Variants in RHBDD1 observed in about 807,000 individuals in gnomAD.
RHBDD1 encodes rhomboid domain containing 1.
A neutral mutation model predicts 36.3 loss-of-function variants in RHBDD1; 38 were observed. That is an observed-to-expected ratio of 1.05 (90% CI 0.81 to 1.37). RHBDD1 has a LOEUF of 1.37. Among genes scored for constraint, RHBDD1 ranks in the 40% most tolerant of loss-of-function variants. The pLI is 0.00. For synonymous variants in RHBDD1, 151 were observed against 136.5 expected (o/e 1.11, Z -0.74); for missense variants, 393 against 377.6 (o/e 1.04, Z -0.34).
intron 5 of RHBDD1, among the ~76,000 whole-genome samples, chr2:226,898,157 G>T (rs544614161): frequency 1.3e-5 from 2 of 152,136 alleles, no homozygotes; most frequent in African/African-American, 4.8e-5. Context: ...CTACAAGGAG[G>T]ATTAAATTTC....
chr2:226,972,881 A>G (rs897896912), intron 8 of RHBDD1, among the ~76,000 whole-genome samples: 8 of 151,490 alleles, frequency 5.3e-5, no homozygotes, highest in Non-Finnish European at 8.8e-5. Context: ...AGAAGGCCCA[A>G]TCCCTCCATT....
At chr2:226,803,536 T>C in the RHBDD1 span, among the ~76,000 whole-genome samples, 2 of 152,264 alleles carry the variant, frequency 1.3e-5, no homozygotes, top group African/African-American at 2.4e-5. Flanking sequence ...ACACTGAGGA[T>C]TTAGATATCA....
At chr2:226,914,774 C>T (rs950561140) in intron 8 of RHBDD1, 22 of 153,394 alleles carry the variant, frequency 1.4e-4, no homozygotes, top group African/African-American at 5.3e-4. Flanking sequence ...AGAATTCAAG[C>T]TCAGATTTGA....
chr2:226,870,340 G>T (rs1410956415), intron 5 of RHBDD1, among the ~76,000 whole-genome samples: 1 of 152,190 alleles, frequency 6.6e-6, no homozygotes, highest in Non-Finnish European at 1.5e-5. Context: ...TGTGTACACT[G>T]TTCCTAAATA....
At chr2:226,853,010 C>T (rs762305496) in intron 3 of RHBDD1, among the ~76,000 whole-genome samples, 2 of 151,026 alleles carry the variant, frequency 1.3e-5, no homozygotes, top group African/African-American at 2.4e-5. Flanking sequence ...CTCAAGCAGT[C>T]CTCCTACATT....
At position 226,970,946 on chromosome 2, in the gene RHBDD1, C is replaced by T. The variant is rs1049046761; in HGVS notation, c.857-24485C>T. Among the ~76,000 whole-genome samples, 7 of 152,120 alleles carry T rather than the reference C, an allele frequency of 4.6e-5. No individual in the cohort carries two copies. The South Asian group carries it at 6.2e-4, about 14-fold the overall frequency. ...ATCATTTCAAGTGTATTAAAACATA[C>T]GCAATCTCCTATCTGTCCCACAGAT... On this transcript the variant is annotated intron_variant, in intron 8 of 8. Transcript: ENST00000392062.
intron 8 of RHBDD1, among the ~76,000 whole-genome samples, chr2:226,959,807 A>G (rs1350036317): frequency 6.6e-6 from 1 of 151,964 alleles, no homozygotes. Context: ...GTGTATGTTT[A>G]CTTTTTTTTT....
intron 8 of RHBDD1, among the ~76,000 whole-genome samples, chr2:226,941,762 C>G (rs1248632745): frequency 6.6e-6 from 1 of 152,142 alleles, no homozygotes; most frequent in African/African-American, 2.4e-5. Context: ...AAAGCCACTT[C>G]GCATTTGGGT....
At chr2:226,948,786 T>C (rs768238861) in intron 8 of RHBDD1, among the ~76,000 whole-genome samples, 173 of 152,198 alleles carry the variant, frequency 1.1e-3, no homozygotes, top group Non-Finnish European at 2.3e-3. Context: ...TTGTAAGTTC[T>C]GGCTAGGGCA....
chr2:226,943,941 G>A (rs1044683769), intron 8 of RHBDD1, among the ~76,000 whole-genome samples: 4 of 152,202 alleles, frequency 2.6e-5, no homozygotes, highest in African/African-American at 9.6e-5. Flanking sequence ...CACCTGTGCA[G>A]TGGACTTCTG....
rs562419904 is a variant in RHBDD1 at position 226,885,865 on chromosome 2, G to T, written c.566+18547G>T. ...ATGGATAGTGCAGAACAATATATAT[G>T]CTGGGTTTTTTCAATCCGATAACCG... On this transcript the variant is annotated intron_variant, in intron 5 of 8. Coordinates refer to ENST00000392062, the MANE Select transcript of RHBDD1 (RefSeq NM_001167608.3). Among the ~76,000 whole-genome samples, 15 of 152,294 alleles carry T rather than the reference G, an allele frequency of 9.8e-5. No individual in the cohort carries two copies. In the South Asian group the frequency reaches 3.1e-3, roughly 32 times the overall value.
chr2:226,859,411 G>T (rs1362989721), intron 3 of RHBDD1, among the ~76,000 whole-genome samples: 1 of 152,170 alleles, frequency 6.6e-6, no homozygotes, highest in East Asian at 1.9e-4. Context: ...GTATATGGGA[G>T]GGTGTTCATA....
At chr2:226,841,431 A>G (rs1210634353) in intron 3 of RHBDD1, among the ~76,000 whole-genome samples, 1 of 152,126 alleles carries the variant, frequency 6.6e-6, no homozygotes, top group African/African-American at 2.4e-5. Context: ...CCCCACATCC[A>G]TTAGCTATTG....
chr2:226,836,477 T>G (rs1940975576), intron 1 of RHBDD1, among the ~76,000 whole-genome samples: 1 of 152,190 alleles, frequency 6.6e-6, no homozygotes, highest in South Asian at 2.1e-4. Context: ...TTTCAGGTGC[T>G]CTCGGGACAG....
chr2:226,995,466 C>T lies in RHBDD1; in HGVS notation c.892C>T (p.His298Tyr), dbSNP rs780289726. 6.2e-6 allele frequency: 10 copies of T among 1,613,174 alleles called. No individual in the cohort carries two copies. In the African/African-American group the frequency reaches 8.0e-5, roughly 13 times the overall value. ...TRNSPPPYGF[H>Y]LSPEEMRRQR... is the part of the protein sequence containing the mutation. ...AAATAGCCCACCACCCTACGGGTTT[C>T]ATCTCTCACCAGAAGAAATGAGGAG... Residue 298 changes from histidine to tyrosine, a missense_variant, in exon 9 of 9, where the codon CAT becomes TAT. His to Tyr is a moderately conservative substitution (Grantham distance 83). Transcript: ENST00000392062.
intron 8 of RHBDD1, among the ~76,000 whole-genome samples, chr2:226,968,715 G>C (rs1417576906): frequency 6.6e-6 from 1 of 152,230 alleles, no homozygotes; most frequent in African/African-American, 2.4e-5. Context: ...AAGTGGGGCA[G>C]TTGGCATTCT....
chr2:226,971,909 CTTTTTT>C (rs11305868), intron 8 of RHBDD1, among the ~76,000 whole-genome samples: 2,527 of 146,462 alleles, frequency 0.017, 61 homozygotes, highest in African/African-American at 0.06. Context: ...CAAAAGCCCA[CTTTTTT>C]TTTTTTTTAA....
At chr2:226,968,347 G>A (rs116008249) in intron 8 of RHBDD1, among the ~76,000 whole-genome samples, 4,428 of 152,298 alleles carry the variant, frequency 0.029, 81 homozygotes, top group Non-Finnish European at 0.036. Flanking sequence ...AGGGCAGGCC[G>A]TCAGGAAGGG....
At chr2:226,839,687 C>T (rs768897647) in intron 3 of RHBDD1, 60 bp downstream of exon 3, 1 of 151,550 alleles carries the variant, frequency 6.6e-6, no homozygotes. Context: ...GCCATGTCAC[C>T]ATATGGATGG....
Sources: allele counts gnomAD v4.1 joint callset (sites outside exome capture counted in the v4.1 genomes callset), GRCh38; gene constraint gnomAD v4.1.1; transcripts MANE v1.5; gene names NCBI Gene and HGNC (gene_info 2026-07-23, HGNC 2026-07-21).